The following TCF4 variants were observed in gnomAD, a reference collection of about 807,000 sequenced individuals.
The protein encoded by TCF4 is transcription factor 4, also known as SL3-3 enhancer factor 2.
In TCF4, 3 loss-of-function variants were observed where a neutral mutation model predicts 82.1. The observed-to-expected ratio is 0.04, with a 90% CI of 0.02 to 0.09. The LOEUF (loss-of-function observed/expected upper bound fraction) is 0.09. TCF4 is among the 10% of genes least tolerant of loss of function. The probability of loss-of-function intolerance (pLI) is 1.00; values close to 1 mark genes in which losing one functional copy is unlikely to be tolerated. For missense variants in TCF4, 518 were observed against 852.7 expected (o/e 0.61, Z 4.89); for synonymous variants, 276 against 309.6 (o/e 0.89, Z 1.14).
chr18:55,467,700 G>T (rs2096062173), intron 3 of TCF4, among the ~76,000 whole-genome samples: 1 of 152,076 alleles, frequency 6.6e-6, no homozygotes, highest in East Asian at 1.9e-4. Context: ...ACCTTGCACA[G>T]GGCCTACACC....
chr18:55,249,856 T>TTAA (rs1166393313), intron 15 of TCF4, among the ~76,000 whole-genome samples: 1 of 152,192 alleles, frequency 6.6e-6, no homozygotes, highest in African/African-American at 2.4e-5. Context: ...GTGGGTTTTG[T>TTAA]TCTTAGTCAG....
At chr18:55,581,408 T>C (rs2097574020) in intron 3 of TCF4, among the ~76,000 whole-genome samples, 1 of 152,066 alleles carries the variant, frequency 6.6e-6, no homozygotes, top group South Asian at 2.1e-4. Flanking sequence ...AATTCTGTGA[T>C]TCTAACATAA....
At chr18:55,435,704 C>T (rs1171320189) in intron 5 of TCF4, among the ~76,000 whole-genome samples, 1 of 152,228 alleles carries the variant, frequency 6.6e-6, no homozygotes. Context: ...GATCTGGCTG[C>T]CATGACTCAA....
intron 5 of TCF4, among the ~76,000 whole-genome samples, chr18:55,436,102 A>C (rs1475613245): frequency 1.3e-5 from 2 of 152,226 alleles, no homozygotes; most frequent in Non-Finnish European, 2.9e-5. Context: ...AAGTCAAATA[A>C]GCTTACAAAC....
chr18:55,494,157 G>GAC (rs3138626), intron 3 of TCF4, among the ~76,000 whole-genome samples: 23,372 of 147,660 alleles, frequency 0.16, 2,105 homozygotes, highest in East Asian at 0.47. Flanking sequence ...AAATATTATG[G>GAC]ACACACACAC....
chr18:55,444,948 G>T (rs1271188224), intron 5 of TCF4, among the ~76,000 whole-genome samples: 1 of 151,970 alleles, frequency 6.6e-6, no homozygotes, highest in Non-Finnish European at 1.5e-5. Flanking sequence ...CAGTTACCAA[G>T]TCCAACCATT....
intron 8 of TCF4, among the ~76,000 whole-genome samples, chr18:55,280,667 C>A (rs544590853): frequency 6.6e-6 from 1 of 152,172 alleles, no homozygotes; most frequent in African/African-American, 2.4e-5. Context: ...AAGCAGGCAG[C>A]GGCTCACAAA....
intron 8 of TCF4, among the ~76,000 whole-genome samples, chr18:55,324,920 C>A (rs542877429): frequency 6.6e-6 from 1 of 152,252 alleles, no homozygotes; most frequent in South Asian, 2.1e-4. Context: ...TTATTTTCTT[C>A]TAGAATCTAA....
intron 6 of TCF4, among the ~76,000 whole-genome samples, chr18:55,400,281 A>C (rs2093742280): frequency 6.6e-6 from 1 of 152,166 alleles, no homozygotes; most frequent in Non-Finnish European, 1.5e-5. Flanking sequence ...CAGACTTTCC[A>C]TTATAAATTT....
At chr18:55,403,325 G>A (rs1003359833) in intron 6 of TCF4, 129 bp downstream of exon 6, 12 of 1,001,502 alleles carry the variant, frequency 1.2e-5, no homozygotes, top group Admixed American at 1.2e-4. Context: ...TACTTAAAGA[G>A]AGAGCCATCA....
chr18:55,588,851 A>G (rs76665750), upstream of TCF4, among the ~76,000 whole-genome samples: 1 of 151,900 alleles, frequency 6.6e-6, no homozygotes, highest in Admixed American at 6.6e-5. Flanking sequence ...AAAAAAAAAA[A>G]GGGCAATTTT....
intron 2 of TCF4, among the ~76,000 whole-genome samples, chr18:55,600,217 T>C (rs927291995): frequency 2.6e-5 from 4 of 152,232 alleles, no homozygotes; most frequent in Non-Finnish European, 5.9e-5. Flanking sequence ...CTTTTGAATA[T>C]GTACCTAGGA....
At chr18:55,413,606 G>C (rs978428608) in intron 5 of TCF4, among the ~76,000 whole-genome samples, 6 of 152,128 alleles carry the variant, frequency 3.9e-5, no homozygotes, top group Non-Finnish European at 8.8e-5. Flanking sequence ...CCATGCTGCA[G>C]TGTTTAAGAG....
At chr18:55,434,075 C>T (rs1165144301) in intron 5 of TCF4, among the ~76,000 whole-genome samples, 2 of 152,164 alleles carry the variant, frequency 1.3e-5, no homozygotes, top group Non-Finnish European at 2.9e-5. Context: ...AAAATAGTCT[C>T]ATTCAATGGT....
intron 15 of TCF4, among the ~76,000 whole-genome samples, chr18:55,236,267 T>G (rs2049356194): frequency 6.6e-6 from 1 of 152,168 alleles, no homozygotes; most frequent in South Asian, 2.1e-4. Context: ...TGCTCCCCGG[T>G]GCCTGTGTCG....
chr18:55,323,501 C>T (rs1354839785), intron 8 of TCF4, among the ~76,000 whole-genome samples: 1 of 152,086 alleles, frequency 6.6e-6, no homozygotes, highest in African/African-American at 2.4e-5. Flanking sequence ...TATCGAAGGC[C>T]CAGAGGTTTG....
rs1296687913 is a variant in TCF4, at chr18:55,633,674, G to C, written c.195+2029C>G. Among the ~76,000 whole-genome samples the C allele has an allele frequency of 1.3e-5, 2 of 152,072 alleles. No individual in the cohort carries two copies. Among genetic ancestry groups the C allele is most frequent in the Non-Finnish European group, 2.9e-5 (2 of 68,018 alleles). On this transcript the variant is annotated intron_variant, in intron 1 of 20. Transcript: ENST00000398339. This position sits in a 1 kb window ranked among gnomAD's most constrained non-coding sequence, Gnocchi z 4.0. ...AACTTTTTCTGTAAAGGGCCAGATA[G>C]CAAATTTTTTAAGCATTGCAGGCCA...
chr18:55,394,976 A>T (rs2093405461), intron 6 of TCF4, among the ~76,000 whole-genome samples: 1 of 152,216 alleles, frequency 6.6e-6, no homozygotes, highest in Non-Finnish European at 1.5e-5. Flanking sequence ...GTCCTTAATA[A>T]GTCCATTACT....
rs2096261799 is a variant in TCF4, at chr18:55,474,969, AT to A, written c.146-10833del. ...ATTACAGTGCAGTTATAATTATATAATATGTTGCTTCTGAACCATGTGTAAG... is the reference window on the plus strand; with the variant it reads ...ATTACAGTGCAGTTATAATTATATAAATGTTGCTTCTGAACCATGTGTAAG... On this transcript the variant is annotated intron_variant, in intron 3 of 19. Transcript: ENST00000354452. Among the ~76,000 whole-genome samples the A allele has an allele frequency of 2.6e-5, 4 of 152,150 alleles. No individual in the cohort carries two copies. In the South Asian group the frequency reaches 8.3e-4, roughly 32 times the overall value.
Sources: gnomAD v4.1 joint callset for allele counts (sites outside exome capture counted in the v4.1 genomes callset) on GRCh38, gnomAD v4.1.1 for gene constraint, Gnocchi (gnomAD v3.1) non-coding constraint, MANE v1.5 for transcripts, NCBI Gene and HGNC (gene_info 2026-07-23, HGNC 2026-07-21) for gene names.